PDCD10: variants seen among roughly 807,000 people sequenced by gnomAD.
PDCD10 encodes programmed cell death 10.
PDCD10 carries 4 observed loss-of-function variants against 29.2 expected under a neutral mutation model. That is an observed-to-expected ratio of 0.14 (90% CI 0.07 to 0.31). The LOEUF is 0.31. PDCD10 is among the 10% of genes least tolerant of loss of function. PDCD10 has a pLI of 1.00. For synonymous variants in PDCD10, 70 were observed against 82.2 expected, an observed-to-expected ratio of 0.85 and a Z score of 0.80; for missense variants, 183 against 257.9, an observed-to-expected ratio of 0.71 and a Z score of 1.99.
At chr3:167,726,119 T>G (rs979519603) in intron 2 of PDCD10, among the ~76,000 whole-genome samples, 4 of 128,544 alleles carry the variant, frequency 3.1e-5, no homozygotes, top group Non-Finnish European at 4.7e-5. Context: ...GTACTGTTTT[T>G]TTTTTTTTTT....
At chr3:167,685,128 G>C (rs9810548) in intron 8 of PDCD10, among the ~76,000 whole-genome samples, 41,778 of 151,792 alleles carry the variant, frequency 0.28, 6,396 homozygotes, top group African/African-American at 0.41. Flanking sequence ...AGAAGGCCCA[G>C]GGACTGGACC....
In PDCD10 at chr3:167,695,679, G is replaced by A. The variant is rs759198421; in HGVS notation, c.312C>T (p.Asn104=). The part of the protein sequence containing the change: ...ERPEPEFQDL[N]EKARALKQIL... ...TTTGTTTAAGTGCTCGTGCCTTTTC[G>A]TTTAGGTCTTGGAATTCTGGCTCTG... The change falls in exon 6 of 9, where the codon AAC becomes AAT. Residue 104 remains asparagine, a synonymous_variant. Coordinates refer to ENST00000392750, the MANE Select transcript of PDCD10 (RefSeq NM_007217.4). 17 of 1,613,144 alleles carry A rather than the reference G, an allele frequency of 1.1e-5. No individual in the cohort carries two copies. Among genetic ancestry groups the A allele is most frequent in the Admixed American group, 8.3e-5 (5 of 60,004 alleles).
chr3:167,693,208 C>T (rs1720444854), intron 6 of PDCD10, among the ~76,000 whole-genome samples: 1 of 152,160 alleles, frequency 6.6e-6, no homozygotes, highest in South Asian at 2.1e-4. Context: ...ATACTATTTT[C>T]AAAAGATGAA....
At chr3:167,693,789 A>T (rs944519469) in intron 6 of PDCD10, among the ~76,000 whole-genome samples, 7 of 140,900 alleles carry the variant, frequency 5.0e-5, no homozygotes, top group African/African-American at 1.0e-4. Flanking sequence ...ACTAAAAATT[A>T]AAAAAAAAAA....
chr3:167,700,099 G>C (rs1255401702), intron 4 of PDCD10, among the ~76,000 whole-genome samples: 1 of 152,102 alleles, frequency 6.6e-6, no homozygotes, highest in African/African-American at 2.4e-5. Context: ...ATATACAGAT[G>C]CAATATTAAA....
rs1235679027 is a variant in PDCD10, at chr3:167,687,640, T to C, written c.449A>G (p.Lys150Arg). The C allele has an allele frequency of 1.6e-5, 26 of 1,599,046 alleles. No individual in the cohort carries two copies. The highest frequency in any genetic ancestry group is 2.2e-5 in the East Asian group (1 of 44,816). ...ELLDTVNNVF[K>R]KYQYQNRRAL... ...CCTGCGGTTCTGGTATTGATATTTC[T>C]TGAAGACATTATTCACTGTATCAAG... The change falls in exon 7 of 9, where the codon AAG becomes AGG. Residue 150 changes from lysine to arginine, a missense_variant. By Grantham distance (26) the Lys-to-Arg change is conservative. Transcript: ENST00000392750.
chr3:167,716,505 A>C (rs1723034402), intron 3 of PDCD10, among the ~76,000 whole-genome samples: 1 of 151,972 alleles, frequency 6.6e-6, no homozygotes, highest in Non-Finnish European at 1.5e-5. Context: ...GCCTGTTTCA[A>C]AGTATCTCAC....
intron 3 of PDCD10, among the ~76,000 whole-genome samples, chr3:167,708,694 T>C (rs1722240638): frequency 6.6e-6 from 1 of 152,202 alleles, no homozygotes; most frequent in East Asian, 1.9e-4. Context: ...GATTTGTCCA[T>C]GTGAAGTTCA....
chr3:167,692,455 G>A lies in PDCD10; in HGVS notation c.395+3141C>T, dbSNP rs537703139. Among the ~76,000 whole-genome samples the A allele has an allele frequency of 2.6e-5, 4 of 152,276 alleles. No individual in the cohort carries two copies. In the East Asian group the frequency reaches 7.7e-4, roughly 29 times the overall value. ...TTTCCACTTATGGTGTCATGTCACG[G>A]TGCTCAAAAAGTTTTGGATTTTGGA... On this transcript the variant is annotated intron_variant, in intron 6 of 8. Transcript: ENST00000392750.
intron 8 of PDCD10, among the ~76,000 whole-genome samples, chr3:167,687,014 C>T (rs2108372906): frequency 6.6e-6 from 1 of 152,274 alleles, no homozygotes; most frequent in Non-Finnish European, 1.5e-5. Context: ...TATTTACTAC[C>T]TGGCTCTTTT....
intron 2 of PDCD10, among the ~76,000 whole-genome samples, chr3:167,724,639 T>C (rs1351476349): frequency 6.6e-6 from 1 of 152,200 alleles, no homozygotes; most frequent in African/African-American, 2.4e-5. Context: ...TGAATCAGTC[T>C]TGCTAATATA....
intron 6 of PDCD10, among the ~76,000 whole-genome samples, chr3:167,691,057 T>G (rs1322906688): frequency 6.6e-6 from 1 of 152,196 alleles, no homozygotes; most frequent in East Asian, 1.9e-4. Flanking sequence ...GTTGCTAAAA[T>G]GAATAAAGGG....
intron 6 of PDCD10, among the ~76,000 whole-genome samples, chr3:167,691,051 C>T (rs1720179449): frequency 6.6e-6 from 1 of 151,930 alleles, no homozygotes; most frequent in Non-Finnish European, 1.5e-5. Context: ...AAAAATGTTG[C>T]TAAAATGAAT....
At chr3:167,696,090 C>A (rs1361617786) in intron 5 of PDCD10, among the ~76,000 whole-genome samples, 1 of 151,788 alleles carries the variant, frequency 6.6e-6, no homozygotes, top group Non-Finnish European at 1.5e-5. Context: ...TAATGAGTGT[C>A]ATAACTAGTG....
In PDCD10 at chr3:167,687,268, T is replaced by C; in HGVS notation, c.523A>G (p.Ser175Gly). The C allele has an allele frequency of 6.3e-7, 1 of 1,586,194 alleles. No individual in the cohort carries two copies. Among genetic ancestry groups the C allele is most frequent in the Non-Finnish European group, 8.7e-7 (1 of 1,155,104 alleles). The change falls in exon 8 of 9, where the codon AGT becomes GGT. Residue 175 changes from serine to glycine, a missense_variant. Ser to Gly is a moderately conservative substitution (Grantham distance 56, BLOSUM62 0). Transcript: ENST00000392750. ...KEFVKYSKSFSDTLKTYFKDG... is the reference protein window; with the variant it reads ...KEFVKYSKSFGDTLKTYFKDG... ...TTAAAATACGTTTTCAGAGTATCAC[T>C]GAAACTTTTGGAGTACTTTACAAAT...
chr3:167,715,087 G>A (rs941529350), intron 3 of PDCD10, among the ~76,000 whole-genome samples: 1 of 151,500 alleles, frequency 6.6e-6, no homozygotes, highest in African/African-American at 2.4e-5. Flanking sequence ...CAATGGAACA[G>A]AATAGAGAAC....
At chr3:167,731,850 A>G (rs1474118218) in intron 2 of PDCD10, among the ~76,000 whole-genome samples, 1 of 152,190 alleles carries the variant, frequency 6.6e-6, no homozygotes, top group African/African-American at 2.4e-5. Flanking sequence ...GGCTCCCCTG[A>G]CGAACGATAT....
chr3:167,687,764 C>T, intron 6 of PDCD10, 71 bp from the exon 7 acceptor site: 1 of 813,166 alleles, frequency 1.2e-6, no homozygotes, highest in Non-Finnish European at 2.2e-6. Context: ...ACATCAGCTA[C>T]ATTTGAAAGA....
chr3:167,687,427 A>C (rs1226234743), intron 7 of PDCD10, 111 bp from the exon 8 acceptor site: 3 of 749,094 alleles, frequency 4.0e-6, no homozygotes, highest in Non-Finnish European at 7.1e-6. Context: ...CTTTATATGA[A>C]TATTACTAAT....
Sources: allele counts gnomAD v4.1 joint callset (sites outside exome capture counted in the v4.1 genomes callset), GRCh38; gene constraint gnomAD v4.1.1; transcripts MANE v1.5; gene names NCBI Gene and HGNC (gene_info 2026-07-23, HGNC 2026-07-21).